The following FDXR variants were observed in gnomAD, a reference collection of about 807,000 sequenced individuals.
The protein encoded by FDXR is NADPH:adrenodoxin oxidoreductase, mitochondrial.
FDXR carries 38 observed loss-of-function variants against 58.3 expected under a neutral mutation model. That is an observed-to-expected ratio of 0.65 (90% CI 0.50 to 0.85). The LOEUF is 0.85. FDXR is among the 40% of genes least tolerant of loss of function. FDXR has a pLI of 0.00. For missense variants in FDXR, 624 were observed against 671.0 expected (o/e 0.93, Z 0.77); for synonymous variants, 275 against 273.8 (o/e 1.00, Z -0.04).
At chr17:74,871,941 G>T (rs1310528115) in intron 2 of FDXR, 95 bp downstream of exon 2, 7 of 894,866 alleles carry the variant, frequency 7.8e-6, no homozygotes, top group Non-Finnish European at 1.2e-5. Flanking sequence ...TTCCCCATAA[G>T]GCAACCAGGA....
rs1349022687 is a variant in FDXR, at chr17:74,872,077, T to C, written c.136A>G (p.Ser46Gly). ...EKTPQICVVG[S>G]GPAGFYTAQH... Reference sequence around the variant, plus strand: ...GCCGTGTAGAAGCCAGCTGGGCCACTGCCCACCACACAGATCTGGGGGGTC... The same window carrying C: ...GCCGTGTAGAAGCCAGCTGGGCCACCGCCCACCACACAGATCTGGGGGGTC... Residue 46 changes from serine (S) to glycine (G), a missense_variant, in exon 2 of 12, where the codon AGT becomes GGT. Coordinates refer to ENST00000293195, the MANE Select transcript of FDXR (RefSeq NM_024417.5). 1 of 1,605,670 alleles carries C rather than the reference T, an allele frequency of 6.2e-7. No individual in the cohort carries two copies. Among genetic ancestry groups the C allele is most frequent in the Non-Finnish European group, 8.5e-7 (1 of 1,175,650 alleles).
At chr17:74,870,085 C>A in intron 2 of FDXR, 1 of 396,412 alleles carries the variant, frequency 2.5e-6, no homozygotes. Flanking sequence ...AGGAGCACAG[C>A]CAGTAGCTTG....
At position 74,862,953 on chromosome 17, in the gene FDXR, G is replaced by A; in HGVS notation, c.1346-6C>T. Reference sequence around the variant, plus strand: ...GAAAGAGACTGGCCGGACCCCTGAAGCAGAGGGGAGATTGTCAACACCTCC... The same window carrying A: ...GAAAGAGACTGGCCGGACCCCTGAAACAGAGGGGAGATTGTCAACACCTCC... On this transcript the variant is annotated splice_polypyrimidine_tract_variant and splice_region_variant and intron_variant, in intron 11 of 11. Transcript: ENST00000293195. 1.2e-6 allele frequency: 2 copies of A among 1,610,766 alleles called. No individual in the cohort carries two copies. The highest frequency in any genetic ancestry group is 1.7e-6 in the Non-Finnish European group (2 of 1,179,842).
At position 74,862,800 on chromosome 17, in the gene FDXR, C is replaced by A. The variant is rs761138033; in HGVS notation, c.*17G>T. ...CACTCATCCCTTCCCTGCTGGGGGCCGGGGCTGGGGCTGGGCTCAGTGGCC... is the reference window on the plus strand; with the variant it reads ...CACTCATCCCTTCCCTGCTGGGGGCAGGGGCTGGGGCTGGGCTCAGTGGCC... On this transcript the variant is annotated 3_prime_UTR_variant, in exon 12 of 12. Coordinates refer to ENST00000293195, the MANE Select transcript of FDXR (RefSeq NM_024417.5). 15 of 1,599,668 alleles carry A rather than the reference C, an allele frequency of 9.4e-6. No individual in the cohort carries two copies. The highest frequency in any genetic ancestry group is 1.3e-5 in the African/African-American group (1 of 74,788).
rs868679344 is a variant in FDXR at position 74,872,918 on chromosome 17, C to A, written c.27G>T (p.Trp9Cys). The change falls in exon 1 of 12, where the codon TGG becomes TGT. Residue 9 changes from tryptophan to cysteine, a missense_variant. Transcript: ENST00000293195. MASRCWRW[W>C]GWSAWPRTRL... ...GGGTCCGAGGCCACGCCGACCAGCC[C>A]CACCAGCGCCAGCAGCGCGAAGCCA... The A allele has an allele frequency of 6.4e-7, 1 of 1,556,226 alleles. No homozygotes were observed. Among genetic ancestry groups the A allele is most frequent in the East Asian group, 2.4e-5 (1 of 41,800 alleles).
intron 7 of FDXR, 110 bp downstream of exon 7, chr17:74,864,711 CCTT>C (rs2144652113): frequency 6.6e-7 from 1 of 1,511,482 alleles, no homozygotes; most frequent in East Asian, 2.3e-5. Flanking sequence ...TGACTGCTCC[CCTT>C]CTTCCATCCC....
intron 2 of FDXR, among the ~76,000 whole-genome samples, chr17:74,870,595 A>AAAAAAC (rs2038342845): frequency 6.6e-6 from 1 of 151,638 alleles, no homozygotes; most frequent in South Asian, 2.1e-4. Flanking sequence ...ATCAGCTAAA[A>AAAAAAC]AAAAACTGTC....
Position 74,862,946 on chromosome 17 carries a change from C to T in FDXR, c.1347G>A (p.Gly449=), listed in dbSNP as rs1331802400. 1 of 1,611,578 alleles carries T rather than the reference C, an allele frequency of 6.2e-7. No homozygotes were observed. The highest frequency in any genetic ancestry group is 8.5e-7 in the Non-Finnish European group (1 of 1,179,902). The change falls in exon 12 of 12, where the codon GGG becomes GGA. Residue 449 remains glycine (G), a splice_region_variant and synonymous_variant. Coordinates refer to ENST00000293195, the MANE Select transcript of FDXR (RefSeq NM_024417.5). The part of the protein sequence containing the change: ...AAIQALLSSR[G]VRPVSFSDWE... Reference sequence around the variant, plus strand: ...AGTCTGAGAAAGAGACTGGCCGGACCCCTGAAGCAGAGGGGAGATTGTCAA... The same window carrying T: ...AGTCTGAGAAAGAGACTGGCCGGACTCCTGAAGCAGAGGGGAGATTGTCAA...
At chr17:74,867,087 AC>A (rs1198300503) in intron 2 of FDXR, 1 of 1,066,302 alleles carries the variant, frequency 9.4e-7, no homozygotes, top group East Asian at 2.6e-5. Flanking sequence ...CAGGTGGATA[AC>A]CTGAGGTCAG....
Position 74,866,666 on chromosome 17 carries a change from G to A in FDXR, c.271-98C>T. On this transcript the variant is annotated intron_variant, in intron 3 of 11. Transcript: ENST00000293195. ...ACCACTCTGTGTCCCCAGGAGGGAA[G>A]CTGGGTGGCATGGGCACAGACGGCA... 2 of 1,593,918 alleles carry A rather than the reference G, an allele frequency of 1.3e-6. 1 individual carries two copies. Among genetic ancestry groups the A allele is most frequent in the South Asian group, 2.2e-5 (2 of 90,028 alleles).
rs2038172235 is a variant in FDXR at position 74,866,128 on chromosome 17, C to T, written c.507+3G>A. The T allele has an allele frequency of 1.0e-5, 16 of 1,606,794 alleles. No individual in the cohort carries two copies. The East Asian group carries it at 2.9e-4, about 29-fold the overall frequency. Reference sequence around the variant, plus strand: ...AGGCAGCGGGCGTGCTCCCCATACTCACCTCCTGGTTCTCAGGAAGCCCGT... The same window carrying T: ...AGGCAGCGGGCGTGCTCCCCATACTTACCTCCTGGTTCTCAGGAAGCCCGT... On this transcript the variant is annotated splice_donor_region_variant and intron_variant, in intron 5 of 11. Transcript: ENST00000293195.
At chr17:74,864,647 GCAGGAGA>G in intron 7 of FDXR, 83 bp from the exon 8 acceptor site, 1 of 1,456,410 alleles carries the variant, frequency 6.9e-7, no homozygotes, top group East Asian at 2.4e-5. Flanking sequence ...TCCAGCCCAG[GCAGGAGA>G]GACCACCACC....
In FDXR at chr17:74,863,092, G is replaced by C; in HGVS notation, c.1329C>G (p.Ala443=). The C allele has an allele frequency of 6.2e-7, 1 of 1,612,934 alleles. No homozygotes were observed. Among genetic ancestry groups the C allele is most frequent in the Non-Finnish European group, 8.5e-7 (1 of 1,179,816 alleles). Residue 443 remains alanine (A), a synonymous_variant, in exon 11 of 12, where the codon GCC becomes GCG. Coordinates refer to ENST00000293195, the MANE Select transcript of FDXR (RefSeq NM_024417.5). ...GPRPGYAAIQ[A]LLSSRGVRPV... ...GGCCCAGACCTCGGCTGCTGAGCAGGGCCTGGATGGCTGCGTAGCCAGGCC... is the reference window on the plus strand; with the variant it reads ...GGCCCAGACCTCGGCTGCTGAGCAGCGCCTGGATGGCTGCGTAGCCAGGCC...
chr17:74,863,340 C>A (rs1010612109), intron 10 of FDXR, 94 bp from the exon 11 acceptor site: 6 of 1,225,012 alleles, frequency 4.9e-6, no homozygotes, highest in Non-Finnish European at 6.9e-6. Flanking sequence ...TGCACGCACA[C>A]AGACACCCCA....
chr17:74,863,212 A>T lies in FDXR; in HGVS notation c.1209T>A (p.Pro403=). 1 of 1,613,528 alleles carries T rather than the reference A, an allele frequency of 6.2e-7. No homozygotes were observed. Among genetic ancestry groups the T allele is most frequent in the Non-Finnish European group, 8.5e-7 (1 of 1,179,888 alleles). ...TCATGGTTGTGGCTATGACACCTGT[A>T]GGTCCTCTCTTCACCCAGCCGCTGC... The part of the protein sequence containing the change: ...LYCSGWVKRG[P]TGVIATTMTD... The change falls in exon 11 of 12, where the codon CCT becomes CCA. Residue 403 remains proline, a synonymous_variant. Coordinates refer to ENST00000293195, the MANE Select transcript of FDXR (RefSeq NM_024417.5).
intron 2 of FDXR, chr17:74,868,663 TC>T (rs1233134346): frequency 6.5e-7 from 1 of 1,535,296 alleles, no homozygotes; most frequent in Non-Finnish European, 8.7e-7. Context: ...CCCTTATCTC[TC>T]GTGGCTGACC....
chr17:74,872,305 A>G (rs544982043), intron 1 of FDXR, 172 bp from the exon 2 acceptor site: 2 of 1,534,752 alleles, frequency 1.3e-6, no homozygotes, highest in Non-Finnish European at 1.7e-6. Flanking sequence ...ACTTCATCTG[A>G]ACCCCCAAAG....
In FDXR at chr17:74,866,593, G is replaced by C. The variant is rs116589407; in HGVS notation, c.271-25C>G. ...TCTGCCAGGTCCCCCGGGAATGGGA[G>C]GGGTTAGAGGGTAAGGCAGCTCCAG... is the stretch of plus-strand genomic sequence containing the variant. On this transcript the variant is annotated intron_variant, in intron 3 of 11. Coordinates refer to ENST00000293195, the MANE Select transcript of FDXR (RefSeq NM_024417.5). 538 of 1,613,324 alleles carry C rather than the reference G, an allele frequency of 3.3e-4. 2 individuals carry two copies. The African/African-American group carries it at 6.6e-3, about 20-fold the overall frequency.
intron 2 of FDXR, among the ~76,000 whole-genome samples, chr17:74,870,950 G>A (rs2038357893): frequency 6.6e-6 from 1 of 151,944 alleles, no homozygotes; most frequent in Admixed American, 6.6e-5. Context: ...CTACAGACCT[G>A]TGCCACCACA....
Sources: gnomAD v4.1 joint callset for allele counts (sites outside exome capture counted in the v4.1 genomes callset) on GRCh38, gnomAD v4.1.1 for gene constraint, MANE v1.5 for transcripts, NCBI Gene and HGNC (gene_info 2026-07-23, HGNC 2026-07-21) for gene names.